Variants in COBL observed in about 807,000 individuals in gnomAD.
COBL encodes cordon-bleu WH2 repeat protein.
A neutral mutation model predicts 98.8 loss-of-function variants in COBL; 51 were observed. The observed-to-expected ratio is 0.52, with a 90% CI of 0.41 to 0.65. The LOEUF (loss-of-function observed/expected upper bound fraction) is 0.65. COBL is among the 30% of genes least tolerant of loss of function. COBL has a pLI of 0.00. For missense variants in COBL, 1,617 were observed against 1,617.5 expected (o/e 1.00, Z 0.01); for synonymous variants, 634 against 651.7 (o/e 0.97, Z 0.41).
At chr7:51,096,060 T>C (rs1245967779) in intron 6 of COBL, among the ~76,000 whole-genome samples, 1 of 152,216 alleles carries the variant, frequency 6.6e-6, no homozygotes, top group Non-Finnish European at 1.5e-5. Flanking sequence ...TCTCTGTCTC[T>C]TTCTCTGTCT....
chr7:51,164,517 G>A (rs1479501341), intron 5 of COBL, among the ~76,000 whole-genome samples: 2 of 152,002 alleles, frequency 1.3e-5, no homozygotes, highest in East Asian at 1.9e-4. Context: ...TAGTATATTC[G>A]GCGAAAATAT....
intron 1 of COBL, among the ~76,000 whole-genome samples, chr7:51,275,144 G>C (rs1322971677): frequency 1.3e-5 from 2 of 152,168 alleles, no homozygotes; most frequent in East Asian, 3.9e-4. Flanking sequence ...CTCCATGTTT[G>C]TTCTGCTCTG....
chr7:51,294,518 C>CTA (rs1250272658), intron 1 of COBL, among the ~76,000 whole-genome samples: 3 of 151,258 alleles, frequency 2.0e-5, no homozygotes, highest in Admixed American at 6.6e-5. Context: ...AGGCACATGC[C>CTA]TATAATCCCA....
intron 2 of COBL, among the ~76,000 whole-genome samples, chr7:51,219,390 G>T (rs1272445012): frequency 6.6e-6 from 1 of 152,172 alleles, no homozygotes; most frequent in Non-Finnish European, 1.5e-5. Flanking sequence ...CTTCAGAGCT[G>T]AGGATACCTG....
Position 51,311,100 on chromosome 7 carries a change from G to A in COBL, c.41+5493C>T, listed in dbSNP as rs566573048. On this transcript the variant is annotated intron_variant, in intron 1 of 12. Transcript: ENST00000265136. ...TTTGTACAAAAGTATTTGTGGTCTG[G>A]GAATCTGTCTAACCAAATGTATCCA... 6.6e-5 allele frequency among the ~76,000 whole-genome samples: 10 copies of A among 152,268 alleles called. No individual in the cohort carries two copies. The South Asian group carries it at 2.1e-3, about 32-fold the overall frequency.
At position 51,190,884 on chromosome 7, in the gene COBL, C is replaced by T. The variant is rs1330621737; in HGVS notation, c.651G>A (p.Gly217=). Residue 217 remains glycine (G), a synonymous_variant, in exon 4 of 13, where the codon GGG becomes GGA. Transcript: ENST00000265136. The part of the protein sequence containing the change: ...LELSKSLNEL[G]IKELYAWDNR... Reference sequence around the variant, plus strand: ...TGTCCCACGCGTAGAGCTCCTTTATCCCGAGCTCGTTCAGGGACTTGGACA... The same window carrying T: ...TGTCCCACGCGTAGAGCTCCTTTATTCCGAGCTCGTTCAGGGACTTGGACA... 5 of 1,614,032 alleles carry T rather than the reference C, an allele frequency of 3.1e-6. No individual in the cohort carries two copies. The South Asian group carries it at 5.5e-5, about 18-fold the overall frequency.
chr7:51,124,058 G>C (rs1797984303), intron 6 of COBL, among the ~76,000 whole-genome samples: 1 of 152,188 alleles, frequency 6.6e-6, no homozygotes, highest in South Asian at 2.1e-4. Flanking sequence ...GTAAAATGAA[G>C]ATAACAGAAC....
chr7:51,153,817 T>A (rs1449298519), intron 5 of COBL, among the ~76,000 whole-genome samples: 1 of 152,194 alleles, frequency 6.6e-6, no homozygotes. Flanking sequence ...CCAATATCAG[T>A]GCTGTCACGC....
At chr7:51,295,103 G>A (rs187806430) in intron 1 of COBL, among the ~76,000 whole-genome samples, 28 of 151,836 alleles carry the variant, frequency 1.8e-4, no homozygotes, top group Non-Finnish European at 1.5e-4. Flanking sequence ...CCTGGCCAAC[G>A]TGTTGAAACC....
intron 1 of COBL, among the ~76,000 whole-genome samples, chr7:51,300,660 G>A (rs117662255): frequency 1.3e-5 from 2 of 152,168 alleles, no homozygotes; most frequent in African/African-American, 4.8e-5. Context: ...CATTGTACTC[G>A]TGGGTAAAAT....
At chr7:51,206,447 G>A (rs542934734) in intron 2 of COBL, among the ~76,000 whole-genome samples, 25 of 147,038 alleles carry the variant, frequency 1.7e-4, no homozygotes, top group South Asian at 1.3e-3. Context: ...AGCCGAGATC[G>A]CGCCACTATA....
chr7:51,124,896 T>C (rs759847119), intron 6 of COBL, among the ~76,000 whole-genome samples: 5 of 152,144 alleles, frequency 3.3e-5, no homozygotes, highest in African/African-American at 9.7e-5. Context: ...CCTCAGCTCA[T>C]TGCAACCTCT....
At chr7:51,174,910 C>G (rs1448996431) in intron 5 of COBL, among the ~76,000 whole-genome samples, 1 of 152,192 alleles carries the variant, frequency 6.6e-6, no homozygotes, top group East Asian at 1.9e-4. Flanking sequence ...CATATCTGGT[C>G]TAAGTCGGCA....
intron 1 of COBL, among the ~76,000 whole-genome samples, chr7:51,240,056 ATAT>A (rs747573156): frequency 9.9e-5 from 15 of 152,224 alleles, no homozygotes; most frequent in Non-Finnish European, 1.5e-4. Flanking sequence ...ATATTACAAA[ATAT>A]TATTTTCCTG....
intron 6 of COBL, among the ~76,000 whole-genome samples, chr7:51,101,103 C>T (rs1332183896): frequency 1.3e-5 from 2 of 152,150 alleles, no homozygotes; most frequent in Non-Finnish European, 2.9e-5. Context: ...GTTCTTCTCC[C>T]AAAGTTAATA....
rs762570933 is a variant in COBL at position 51,043,374 on chromosome 7, G to A, written c.1406+9C>T. 32 of 1,612,130 alleles carry A rather than the reference G, an allele frequency of 2.0e-5. No individual in the cohort carries two copies. Among genetic ancestry groups the A allele is most frequent in the Non-Finnish European group, 2.5e-5 (29 of 1,178,802 alleles). The stretch of plus-strand genomic sequence containing the variant: ...ACTTCCGTACCCACCCATCCTTCCC[G>A]TGACTCACCTCAGATGTGAGTTCTC... On this transcript the variant is annotated intron_variant, in intron 8 of 12. Coordinates refer to ENST00000265136, the MANE Select transcript of COBL (RefSeq NM_015198.5).
chr7:51,249,904 C>A (rs967299765), intron 1 of COBL, among the ~76,000 whole-genome samples: 1 of 152,090 alleles, frequency 6.6e-6, no homozygotes, highest in African/African-American at 2.4e-5. Context: ...GAGTTCGAGA[C>A]CAGCCTGGCC....
At chr7:51,214,189 C>T (rs1718481703) in intron 2 of COBL, among the ~76,000 whole-genome samples, 1 of 151,946 alleles carries the variant, frequency 6.6e-6, no homozygotes, top group Middle Eastern at 3.2e-3. Flanking sequence ...TCACTTGAAC[C>T]TCGGAGGCAG....
chr7:51,113,979 G>A (rs1020294302), intron 6 of COBL, among the ~76,000 whole-genome samples: 6 of 152,182 alleles, frequency 3.9e-5, no homozygotes, highest in Non-Finnish European at 7.3e-5. Context: ...GGAAATGTGC[G>A]TGTTTTCTAG....
Sources: allele counts gnomAD v4.1 joint callset (sites outside exome capture counted in the v4.1 genomes callset), GRCh38; gene constraint gnomAD v4.1.1; transcripts MANE v1.5; gene names NCBI Gene and HGNC (gene_info 2026-07-23, HGNC 2026-07-21).